Variants in GRM1 observed in about 807,000 individuals in gnomAD.
GRM1 encodes glutamate metabotropic receptor 1.
In GRM1, 33 loss-of-function variants were observed where a neutral mutation model predicts 90.9. That is an observed-to-expected ratio of 0.36 (90% confidence interval 0.28 to 0.49). The LOEUF is 0.49. Ranked by LOEUF, GRM1 falls within the 20% of genes least tolerant of loss-of-function variation. GRM1 has a pLI of 0.99. For missense variants in GRM1, 1,190 were observed against 1,534.3 expected (o/e 0.78, Z 3.75); for synonymous variants, 700 against 613.2 (o/e 1.14, Z -2.09).
chr6:146,298,104 TA>T (rs1220759145), intron 2 of GRM1, among the ~76,000 whole-genome samples: 3 of 152,196 alleles, frequency 2.0e-5, no homozygotes, highest in African/African-American at 4.8e-5. Flanking sequence ...CCTCACAATT[TA>T]GTCATAACTC....
chr6:146,270,916 C>CTTCCTTT (rs1562571299), intron 2 of GRM1, among the ~76,000 whole-genome samples: 1 of 53,748 alleles, frequency 1.9e-5, no homozygotes, highest in Non-Finnish European at 3.6e-5. Context: ...TTTCTTTCTT[C>CTTCCTTT]CTTCCTTCCT....
At chr6:146,427,016 C>T (rs146861656) in intron 7 of GRM1, among the ~76,000 whole-genome samples, 8 of 151,976 alleles carry the variant, frequency 5.3e-5, no homozygotes, top group South Asian at 2.1e-4. Flanking sequence ...TGCCTTTTTG[C>T]GGTTGCACAA....
chr6:146,328,195 T>C (rs559745689), intron 3 of GRM1, among the ~76,000 whole-genome samples: 4 of 152,368 alleles, frequency 2.6e-5, no homozygotes, highest in African/African-American at 7.2e-5. Context: ...CAATCATTTA[T>C]ATTGTTCTCT....
chr6:146,123,161 C>T (rs762019375), intron 1 of GRM1, among the ~76,000 whole-genome samples: 1 of 151,966 alleles, frequency 6.6e-6, no homozygotes, highest in Non-Finnish European at 1.5e-5. Flanking sequence ...CTTTTATTAA[C>T]CTTGTTTCCT....
chr6:146,228,349 A>G (rs964355371), intron 2 of GRM1, among the ~76,000 whole-genome samples: 1 of 152,162 alleles, frequency 6.6e-6, no homozygotes, highest in Non-Finnish European at 1.5e-5. Flanking sequence ...AGAAGAGCAG[A>G]AGGACAAGCA....
At chr6:146,154,359 C>T (rs545672565) in intron 1 of GRM1, among the ~76,000 whole-genome samples, 20 of 152,234 alleles carry the variant, frequency 1.3e-4, no homozygotes, top group East Asian at 1.9e-4. Context: ...CTTCCTTCCT[C>T]GCGCCCTCTT....
At chr6:146,055,254 T>C (rs998461027) in intron 1 of GRM1, among the ~76,000 whole-genome samples, 1 of 152,136 alleles carries the variant, frequency 6.6e-6, no homozygotes, top group African/African-American at 2.4e-5. Context: ...GTGTATTGCT[T>C]CTAGCATAAT....
At chr6:146,424,391 G>A (rs1384733585) in intron 7 of GRM1, among the ~76,000 whole-genome samples, 2 of 152,184 alleles carry the variant, frequency 1.3e-5, no homozygotes, top group Admixed American at 1.3e-4. Context: ...GGCAGGTAGT[G>A]GGAGGCTGGA....
Position 146,304,676 on chromosome 6 carries a change from C to T in GRM1, c.1016C>T (p.Thr339Met). The part of the protein sequence containing the change: ...GYEVEANGGI[T>M]IKLQSPEVRS... ...GAGGTGGAAGCCAACGGGGGAATCA[C>T]GATAAAGCTGCAGTCTCCAGAGGTC... is the stretch of plus-strand genomic sequence containing the variant. Residue 339 changes from threonine (T) to methionine (M), a missense_variant, in exon 3 of 8, where the codon ACG becomes ATG. Thr to Met is a moderately conservative substitution (Grantham distance 81). Around this residue, in one of 10 missense-constraint regions of GRM1, gnomAD observed 414 missense variants for 598.4 expected, o/e 0.69. Transcript: ENST00000282753. The T allele has an allele frequency of 6.2e-7, 1 of 1,613,870 alleles. No individual in the cohort carries two copies. Among genetic ancestry groups the T allele is most frequent in the Non-Finnish European group, 8.5e-7 (1 of 1,179,888 alleles).
intron 3 of GRM1, among the ~76,000 whole-genome samples, chr6:146,320,591 G>T (rs1784145315): frequency 6.6e-6 from 1 of 151,560 alleles, no homozygotes; most frequent in African/African-American, 2.4e-5. Flanking sequence ...AGTCTGTCTG[G>T]TCCTGGGCTT....
At chr6:146,119,088 C>A (rs1218345656) in intron 1 of GRM1, among the ~76,000 whole-genome samples, 1 of 152,226 alleles carries the variant, frequency 6.6e-6, no homozygotes, top group Admixed American at 6.5e-5. Flanking sequence ...TTCTCCACAT[C>A]CTCTCCAGCA....
rs1376324563 is a variant in GRM1, at chr6:146,129,930, C to T, written c.701-29418C>T. On this transcript the variant is annotated intron_variant, in intron 1 of 7. Coordinates refer to ENST00000282753, the MANE Select transcript of GRM1 (RefSeq NM_001278064.2). ...TTTTATTTTGTTTTTCTATCCAGAG[C>T]AAAAATATCACTCAGAGCACCATTT... 2.0e-5 allele frequency among the ~76,000 whole-genome samples: 3 copies of T among 151,548 alleles called. 1 individual carries two copies. The highest frequency in any genetic ancestry group is 2.0e-4 in the Admixed American group (3 of 15,218).
chr6:146,407,186 G>A (rs2114612246), intron 7 of GRM1, among the ~76,000 whole-genome samples: 1 of 152,280 alleles, frequency 6.6e-6, no homozygotes, highest in Non-Finnish European at 1.5e-5. Flanking sequence ...GGACAATGCT[G>A]CTGCAGGAGA....
intron 3 of GRM1, among the ~76,000 whole-genome samples, chr6:146,332,693 T>C (rs1784626201): frequency 6.6e-6 from 1 of 152,240 alleles, no homozygotes; most frequent in African/African-American, 2.4e-5. Context: ...AGTGTAACTT[T>C]CACAGGTTTC....
At chr6:146,242,949 G>A (rs1780921792) in intron 2 of GRM1, among the ~76,000 whole-genome samples, 1 of 152,118 alleles carries the variant, frequency 6.6e-6, no homozygotes, top group Non-Finnish European at 1.5e-5. Context: ...ATGCTACTGT[G>A]TGTGTGTTAT....
At chr6:146,419,346 A>G (rs1234530320) in intron 7 of GRM1, among the ~76,000 whole-genome samples, 1 of 152,220 alleles carries the variant, frequency 6.6e-6, no homozygotes, top group African/African-American at 2.4e-5. Context: ...TGGAAAAACA[A>G]TAGGAAGGAC....
At chr6:146,120,695 T>C (rs1041345297) in intron 1 of GRM1, among the ~76,000 whole-genome samples, 47 of 152,228 alleles carry the variant, frequency 3.1e-4, no homozygotes, top group African/African-American at 1.1e-3. Context: ...ATTGAGATAA[T>C]CATGTGGTTT....
intron 3 of GRM1, among the ~76,000 whole-genome samples, chr6:146,345,712 AT>A (rs1785165843): frequency 6.6e-6 from 1 of 152,170 alleles, no homozygotes; most frequent in African/African-American, 2.4e-5. Context: ...ATGAGCATAG[AT>A]CTGCCTTCTG....
intron 2 of GRM1, among the ~76,000 whole-genome samples, chr6:146,234,889 T>C (rs945967504): frequency 1.3e-5 from 2 of 152,022 alleles, no homozygotes; most frequent in African/African-American, 4.8e-5. Flanking sequence ...ACTACAAGCA[T>C]GGGCCACCAC....
Sources: allele counts gnomAD v4.1 joint callset (sites outside exome capture counted in the v4.1 genomes callset), GRCh38; gene constraint gnomAD v4.1.1; regional missense constraint gnomAD v4.1.1; transcripts MANE v1.5; gene names NCBI Gene and HGNC (gene_info 2026-07-23, HGNC 2026-07-21).